Variants in IL1RAP observed in about 807,000 individuals in gnomAD.
IL1RAP encodes the protein interleukin-1 receptor accessory protein.
IL1RAP carries 35 observed loss-of-function variants against 60.7 expected under a neutral mutation model. The observed-to-expected ratio is 0.58, with a 90% CI of 0.44 to 0.76. IL1RAP has a LOEUF of 0.76. Ranked by LOEUF, IL1RAP falls within the 30% of genes least tolerant of loss-of-function variation. The probability of loss-of-function intolerance (pLI) is 0.00; values close to 1 mark genes in which losing one functional copy is unlikely to be tolerated. For synonymous variants in IL1RAP, 268 were observed against 250.9 expected, an observed-to-expected ratio of 1.07 and a Z score of -0.64; for missense variants, 572 against 693.9, an observed-to-expected ratio of 0.82 and a Z score of 1.97.
chr3:190,590,550 C>G (rs960350876), intron 3 of IL1RAP, among the ~76,000 whole-genome samples: 1 of 152,178 alleles, frequency 6.6e-6, no homozygotes, highest in Non-Finnish European at 1.5e-5. Context: ...GCCACCGTGC[C>G]TGGCCAGGAT....
chr3:190,583,879 A>G (rs906143799), intron 3 of IL1RAP, among the ~76,000 whole-genome samples: 10 of 152,198 alleles, frequency 6.6e-5, no homozygotes, highest in Non-Finnish European at 1.2e-4. Flanking sequence ...ACCTTTTAAA[A>G]TTTATTTTTA....
chr3:190,538,498 C>T (rs1723654176), intron 1 of IL1RAP, among the ~76,000 whole-genome samples: 1 of 152,162 alleles, frequency 6.6e-6, no homozygotes, highest in Non-Finnish European at 1.5e-5. Flanking sequence ...GTGCTTTGCA[C>T]ACAGCAGGAG....
chr3:190,645,553 G>T, intron 10 of IL1RAP, 146 bp from the exon 11 acceptor site: 2 of 619,088 alleles, frequency 3.2e-6, no homozygotes, highest in South Asian at 2.1e-5. Context: ...TAGTCGTTTT[G>T]CGTGGAGACT....
chr3:190,616,884 G>A (rs887320049), intron 5 of IL1RAP, among the ~76,000 whole-genome samples: 7 of 152,080 alleles, frequency 4.6e-5, no homozygotes, highest in African/African-American at 1.4e-4. Context: ...CGCAGATATG[G>A]AACTTAAAAA....
chr3:190,527,268 C>T (rs1722587903), intron 1 of IL1RAP, among the ~76,000 whole-genome samples: 1 of 152,136 alleles, frequency 6.6e-6, no homozygotes, highest in Non-Finnish European at 1.5e-5. Flanking sequence ...TGCTGAATGT[C>T]TTAGTTTCAT....
chr3:190,541,594 A>G (rs1480410265), intron 1 of IL1RAP, among the ~76,000 whole-genome samples: 3 of 152,164 alleles, frequency 2.0e-5, no homozygotes. Flanking sequence ...TGATTTGACA[A>G]TTCATTAGCA....
chr3:190,578,510 C>T (rs1727695356), intron 3 of IL1RAP, among the ~76,000 whole-genome samples: 1 of 152,194 alleles, frequency 6.6e-6, no homozygotes, highest in Non-Finnish European at 1.5e-5. Context: ...CATAGATTTT[C>T]CTGCATTATA....
chr3:190,610,514 AT>A (rs1264844215), intron 5 of IL1RAP, among the ~76,000 whole-genome samples: 3 of 152,098 alleles, frequency 2.0e-5, no homozygotes, highest in Admixed American at 2.0e-4. Flanking sequence ...AAAAATTAAA[AT>A]TAAAAAAATG....
At position 190,650,149 on chromosome 3, in the gene IL1RAP, T is replaced by C. The variant is rs1382340693; in HGVS notation, c.*1444T>C. 1.0e-6 allele frequency: 1 copy of C among 983,906 alleles called. No individual in the cohort carries two copies. Among genetic ancestry groups the C allele is most frequent in the African/African-American group, 1.7e-5 (1 of 57,198 alleles). The allele number at this position is 983,906 out of a possible 1,614,324, so 60.9% of individuals were successfully genotyped here. A position where few individuals can be genotyped will look rare whatever the true frequency, so the allele number is the denominator to read the frequency against. Reference sequence around the variant, plus strand: ...GTACAATATTAAAAACCACTGGAACTCTTGTCCAGTTTTTAAATTATGTTT... The same window carrying C: ...GTACAATATTAAAAACCACTGGAACCCTTGTCCAGTTTTTAAATTATGTTT... On this transcript the variant is annotated 3_prime_UTR_variant, in exon 12 of 12. Transcript: ENST00000447382.
intron 9 of IL1RAP, among the ~76,000 whole-genome samples, chr3:190,638,806 C>A (rs988726412): frequency 2.6e-5 from 4 of 152,038 alleles, no homozygotes; most frequent in African/African-American, 7.2e-5. Flanking sequence ...GTTGTTCCAG[C>A]ACAATTAATT....
At chr3:190,531,539 C>T (rs1487513741) in intron 1 of IL1RAP, among the ~76,000 whole-genome samples, 1 of 152,204 alleles carries the variant, frequency 6.6e-6, no homozygotes, top group Non-Finnish European at 1.5e-5. Context: ...CATAAGTCTT[C>T]CCTGTCAGCA....
intron 6 of IL1RAP, among the ~76,000 whole-genome samples, chr3:190,621,948 T>C (rs1209515637): frequency 7.1e-6 from 1 of 141,670 alleles, no homozygotes; most frequent in Admixed American, 6.8e-5. Flanking sequence ...TTAGGAGTAC[T>C]GAATATTATA....
rs994944598 is a variant in IL1RAP, at chr3:190,650,967, T to C, written c.*2262T>C. The C allele has an allele frequency of 1.7e-5, 17 of 985,312 alleles. 1 individual carries two copies. In the African/African-American group the frequency reaches 3.0e-4, roughly 17 times the overall value. 61.0% of individuals were successfully genotyped at this position (985,312 alleles called of 1,614,324 possible). A position where few individuals can be genotyped will look rare whatever the true frequency, so the allele number is the denominator to read the frequency against. ...ACCCCTAGAAATACCTTGATGTTTT[T>C]TCTATTTATATGCCTGCCTTTGGTA... On this transcript the variant is annotated 3_prime_UTR_variant, in exon 12 of 12. Transcript: ENST00000447382.
intron 3 of IL1RAP, among the ~76,000 whole-genome samples, chr3:190,565,156 CT>C (rs1726270972): frequency 6.6e-6 from 1 of 150,574 alleles, no homozygotes; most frequent in Non-Finnish European, 1.5e-5. Context: ...CTTGGTTCAA[CT>C]GTAGGACTGA....
chr3:190,553,706 G>A (rs554144631), intron 1 of IL1RAP, among the ~76,000 whole-genome samples: 1 of 152,310 alleles, frequency 6.6e-6, no homozygotes, highest in East Asian at 1.9e-4. Flanking sequence ...CCCTGAGCGT[G>A]ACAGTGGTGG....
At chr3:190,630,532 A>C (rs1732696218) in intron 9 of IL1RAP, among the ~76,000 whole-genome samples, 1 of 152,214 alleles carries the variant, frequency 6.6e-6, no homozygotes, top group South Asian at 2.1e-4. Context: ...TTTAAAGCTG[A>C]TGAAAAACAG....
Position 190,560,618 on chromosome 3 carries a change from G to A in IL1RAP, c.-1-3671G>A, listed in dbSNP as rs568838601. 9.9e-5 allele frequency among the ~76,000 whole-genome samples: 15 copies of A among 152,228 alleles called. No individual in the cohort carries two copies. The South Asian group carries it at 1.7e-3, about 17-fold the overall frequency. On this transcript the variant is annotated intron_variant, in intron 2 of 11. Transcript: ENST00000447382. ...GTGATCTGGTGAAGTGCTGCTGAGCGGAAGGCAGGCAGAACAAATGGTGAT... is the reference window on the plus strand; with the variant it reads ...GTGATCTGGTGAAGTGCTGCTGAGCAGAAGGCAGGCAGAACAAATGGTGAT...
chr3:190,514,849 T>C (rs916102374), intron 1 of IL1RAP, among the ~76,000 whole-genome samples: 1 of 152,026 alleles, frequency 6.6e-6, no homozygotes, highest in African/African-American at 2.4e-5. Context: ...GAAGCGGAGC[T>C]AGTGGCCCTG....
intron 3 of IL1RAP, among the ~76,000 whole-genome samples, chr3:190,594,124 A>G (rs1165335418): frequency 6.6e-6 from 1 of 152,162 alleles, no homozygotes; most frequent in Non-Finnish European, 1.5e-5. Context: ...TTCCTTTCCA[A>G]GTTTAGTGAG....
Sources: allele counts gnomAD v4.1 joint callset (sites outside exome capture counted in the v4.1 genomes callset), GRCh38; gene constraint gnomAD v4.1.1; transcripts MANE v1.5; gene names NCBI Gene and HGNC (gene_info 2026-07-23, HGNC 2026-07-21).